The following CRMP1 variants were observed in gnomAD, a reference collection of about 807,000 sequenced individuals.
The protein encoded by CRMP1 is dihydropyrimidinase-related protein 1.
Under a neutral mutation model 68.3 loss-of-function variants are expected in CRMP1, and 19 were observed. The observed-to-expected ratio is 0.28, with a 90% CI of 0.19 to 0.41. The LOEUF is 0.41. Among genes scored for constraint, CRMP1 ranks in the 10% least tolerant of loss-of-function variants. The pLI, the probability that CRMP1 is intolerant of heterozygous loss-of-function variation, is 1.00. For synonymous variants in CRMP1, 439 were observed against 399.6 expected, an observed-to-expected ratio of 1.10 and a Z score of -1.18; for missense variants, 791 against 967.4, an observed-to-expected ratio of 0.82 and a Z score of 2.42.
At position 5,865,056 on chromosome 4, in the gene CRMP1, C is replaced by A. The variant is rs893733323; in HGVS notation, c.470+1612G>T. On this transcript the variant is annotated intron_variant, in intron 2 of 13. Coordinates refer to ENST00000324989, the MANE Select transcript of CRMP1 (RefSeq NM_001014809.3). This position sits in a 1 kb window ranked among gnomAD's most constrained non-coding sequence, Gnocchi z 4.1. ...TTCAATGCCCCCAATACTCCACAGC[C>A]CCTTTCCCCCAGCCTCCTCCTCCTC... is the stretch of plus-strand genomic sequence containing the variant. Among the ~76,000 whole-genome samples the A allele has an allele frequency of 1.3e-5, 2 of 151,524 alleles. No individual in the cohort carries two copies. Among genetic ancestry groups the A allele is most frequent in the South Asian group, 2.1e-4 (1 of 4,812 alleles).
At position 5,839,420 on chromosome 4, in the gene CRMP1, T is replaced by G. The variant is rs1472048792; in HGVS notation, c.1310+102A>C. On this transcript the variant is annotated intron_variant, in intron 9 of 13. Coordinates refer to ENST00000324989, the MANE Select transcript of CRMP1 (RefSeq NM_001014809.3). ...GCAGAGCACGGGGCAGAGCCTCCTC[T>G]ACAATCATGAGTCCAAACCAGCCTG... 2.8e-5 allele frequency: 40 copies of G among 1,425,920 alleles called. No homozygotes were observed. In the South Asian group the frequency reaches 5.0e-4, roughly 18 times the overall value. The allele number at this position is 1,425,920 out of a possible 1,614,324, so 88.3% of individuals were successfully genotyped here.
In CRMP1 at chr4:5,827,172, C is replaced by T. The variant is rs140292299; in HGVS notation, c.1803+1317G>A. ...TGTCTTGGCATTTGGGGTCAGATATCTGCCCTCACGGAAGCTGACTGTTAA... is the reference window on the plus strand; with the variant it reads ...TGTCTTGGCATTTGGGGTCAGATATTTGCCCTCACGGAAGCTGACTGTTAA... On this transcript the variant is annotated intron_variant, in intron 12 of 13. Coordinates refer to ENST00000324989, the MANE Select transcript of CRMP1 (RefSeq NM_001014809.3). Among the ~76,000 whole-genome samples the T allele has an allele frequency of 3.0e-3, 451 of 152,336 alleles. 2 individuals carry two copies. Among genetic ancestry groups the T allele is most frequent in the African/African-American group, 0.01 (429 of 41,574 alleles).
At chr4:5,876,241 G>C (rs1714822804) in intron 1 of CRMP1, among the ~76,000 whole-genome samples, 1 of 152,100 alleles carries the variant, frequency 6.6e-6, no homozygotes, top group African/African-American at 2.4e-5. Context: ...AGTGGACATA[G>C]TTGGCAAGTA....
chr4:5,821,428 A>G lies in CRMP1; in HGVS notation c.*332T>C. ...AACATCTACAGGGTGCAAAGGAACC[A>G]CCACTCAGAGAATCATGGAGCCAGT... On this transcript the variant is annotated 3_prime_UTR_variant, in exon 14 of 14. Coordinates refer to ENST00000324989, the MANE Select transcript of CRMP1 (RefSeq NM_001014809.3). This position sits in a 1 kb window ranked among gnomAD's most constrained non-coding sequence, Gnocchi z 4.4. The G allele has an allele frequency of 3.0e-6, 1 of 337,420 alleles. No homozygotes were observed. The highest frequency in any genetic ancestry group is 5.5e-6 in the Non-Finnish European group (1 of 180,304). 20.9% of individuals were successfully genotyped at this position (337,420 alleles called of 1,614,324 possible). A position where few individuals can be genotyped will look rare whatever the true frequency, so the allele number is the denominator to read the frequency against.
At chr4:5,833,106 C>CAG (rs1720491605) in intron 11 of CRMP1, among the ~76,000 whole-genome samples, 1 of 150,992 alleles carries the variant, frequency 6.6e-6, no homozygotes, top group South Asian at 2.1e-4. Context: ...CCAGAGCCTT[C>CAG]AGAGAGAGCA....
rs945000078 is a variant in CRMP1 at position 5,842,063 on chromosome 4, C to T, written c.1033-635G>A. On this transcript the variant is annotated intron_variant, in intron 7 of 13. Coordinates refer to ENST00000324989, the MANE Select transcript of CRMP1 (RefSeq NM_001014809.3). The surrounding 1 kb of genome is among the most constrained non-coding windows in gnomAD (Gnocchi z 4.5). The stretch of plus-strand genomic sequence containing the variant: ...GACCATCCTGGCTAACACGGTGAAA[C>T]CCTGTCTCTACTGAAAATACAAAAA... Among the ~76,000 whole-genome samples the T allele has an allele frequency of 6.6e-6, 1 of 152,278 alleles. No individual in the cohort carries two copies. The highest frequency in any genetic ancestry group is 1.5e-5 in the Non-Finnish European group (1 of 68,030).
chr4:5,835,290 G>C (rs2152457859), intron 11 of CRMP1, among the ~76,000 whole-genome samples: 2 of 152,366 alleles, frequency 1.3e-5, no homozygotes, highest in Middle Eastern at 6.8e-3. Context: ...TGGCCATGCA[G>C]GAGGGTGTTA....
chr4:5,823,375 A>G (rs1324283962), intron 13 of CRMP1, among the ~76,000 whole-genome samples: 1 of 152,266 alleles, frequency 6.6e-6, no homozygotes, highest in Non-Finnish European at 1.5e-5. Flanking sequence ...CCTAGCACTT[A>G]GTAACTTTTT....
At chr4:5,827,578 CCA>C (rs769930750) in intron 12 of CRMP1, among the ~76,000 whole-genome samples, 14 of 152,164 alleles carry the variant, frequency 9.2e-5, no homozygotes, top group African/African-American at 2.9e-4. Flanking sequence ...ACACACATGG[CCA>C]CACACACAGA....
At position 5,877,285 on chromosome 4, in the gene CRMP1, C is replaced by A. The variant is rs114172541; in HGVS notation, c.382-10529G>T. Among the ~76,000 whole-genome samples the A allele has an allele frequency of 4.8e-3, 724 of 152,328 alleles. 2 individuals are homozygous for A. Among genetic ancestry groups the A allele is most frequent in the African/African-American group, 0.017 (702 of 41,566 alleles). On this transcript the variant is annotated intron_variant, in intron 1 of 13. Transcript: ENST00000324989. This position sits in a 1 kb window ranked among gnomAD's most constrained non-coding sequence, Gnocchi z 4.3. ...GAGTCTAGAGGGGGTGTTTGTTAGG[C>A]AGCATCATCGCATCAAAGCAAATTA...
At chr4:5,862,582 C>G (rs1713658502) in intron 2 of CRMP1, among the ~76,000 whole-genome samples, 1 of 152,220 alleles carries the variant, frequency 6.6e-6, no homozygotes, top group Non-Finnish European at 1.5e-5. Flanking sequence ...TCATTGAAGG[C>G]TCACAACCAG....
chr4:5,874,269 T>C (rs936785752), intron 1 of CRMP1, among the ~76,000 whole-genome samples: 2 of 152,202 alleles, frequency 1.3e-5, no homozygotes, highest in African/African-American at 4.8e-5. Context: ...TCAAATATCT[T>C]CCAGGAAGTT....
In CRMP1 at chr4:5,889,476, G is replaced by A; in HGVS notation, c.381+3113C>T. On this transcript the variant is annotated intron_variant, in intron 1 of 13. Transcript: ENST00000324989. The surrounding 1 kb of genome is among the most constrained non-coding windows in gnomAD (Gnocchi z 4.5). ...TGATCCAGATGTTGCTCCAGAGGGA[G>A]GTGGGCAGGAAGCCAGGTCACAGCT... The A allele has an allele frequency of 7.8e-7, 1 of 1,284,768 alleles. No individual in the cohort carries two copies. Among genetic ancestry groups the A allele is most frequent in the Non-Finnish European group, 1.1e-6 (1 of 927,056 alleles). 79.6% of individuals were successfully genotyped at this position (1,284,768 alleles called of 1,614,324 possible).
rs1356192696 is a variant in CRMP1 at position 5,865,931 on chromosome 4, AAGGAAGAACCTC to A, written c.470+725_470+736del. On this transcript the variant is annotated intron_variant, in intron 2 of 13. Transcript: ENST00000324989. This position sits in a 1 kb window ranked among gnomAD's most constrained non-coding sequence, Gnocchi z 4.1. Reference sequence around the variant, plus strand: ...AGCCAGAAGGTGGTGTCTGCAAGCCAAGGAAGAACCTCAGGAAGAAGTTCAGGAAGGCCTCAG... The same window carrying A: ...AGCCAGAAGGTGGTGTCTGCAAGCCAAGGAAGAAGTTCAGGAAGGCCTCAG... Among the ~76,000 whole-genome samples, 3 of 152,166 alleles carry A rather than the reference AAGGAAGAACCTC, an allele frequency of 2.0e-5. No homozygotes were observed. The highest frequency in any genetic ancestry group is 4.8e-5 in the African/African-American group (2 of 41,444).
chr4:5,837,751 G>A (rs1291255969), intron 9 of CRMP1, among the ~76,000 whole-genome samples: 2 of 151,904 alleles, frequency 1.3e-5, no homozygotes, highest in Non-Finnish European at 2.9e-5. Context: ...AGGAAGGTGA[G>A]GCTGTCCTCC....
At chr4:5,824,737 A>C in intron 13 of CRMP1, 1 of 985,306 alleles carries the variant, frequency 1.0e-6, no homozygotes, top group Non-Finnish European at 1.2e-6. Context: ...TCTAAGAAAA[A>C]AAATCACCAT....
chr4:5,844,761 G>C (rs1415372048), intron 6 of CRMP1, among the ~76,000 whole-genome samples: 1 of 152,152 alleles, frequency 6.6e-6, no homozygotes, highest in Admixed American at 6.5e-5. Context: ...CTGGTGCAGG[G>C]GTGCGTGCAC....
Position 5,838,321 on chromosome 4 carries a change from A to G in CRMP1, c.1310+1201T>C, listed in dbSNP as rs1389512435. Among the ~76,000 whole-genome samples the G allele has an allele frequency of 6.6e-6, 1 of 151,980 alleles. No homozygotes were observed. Among genetic ancestry groups the G allele is most frequent in the African/African-American group, 2.4e-5 (1 of 41,360 alleles). ...TGGTCAGGGCGTGTGCACCGGATTG[A>G]GTTCTGCCTTGTTGGATGTTGCAGG... On this transcript the variant is annotated intron_variant, in intron 9 of 13. Transcript: ENST00000324989. The surrounding 1 kb of genome is among the most constrained non-coding windows in gnomAD (Gnocchi z 4.9).
At chr4:5,880,231 G>C (rs1715140328) in intron 1 of CRMP1, among the ~76,000 whole-genome samples, 1 of 152,146 alleles carries the variant, frequency 6.6e-6, no homozygotes, top group Non-Finnish European at 1.5e-5. Context: ...TGGGGGCAGG[G>C]GAGAAGCAGT....
Sources: allele counts gnomAD v4.1 joint callset (sites outside exome capture counted in the v4.1 genomes callset), GRCh38; gene constraint gnomAD v4.1.1; non-coding constraint Gnocchi (gnomAD v3.1); transcripts MANE v1.5; gene names NCBI Gene and HGNC (gene_info 2026-07-23, HGNC 2026-07-21).